Variants in INO80 observed in about 807,000 individuals in gnomAD.
INO80 encodes INO80 complex ATPase subunit, also known as chromatin-remodeling ATPase INO80.
INO80 carries 20 observed loss-of-function variants against 203.4 expected under a neutral mutation model. That is an observed-to-expected ratio of 0.10 (90% CI 0.07 to 0.14). The LOEUF (loss-of-function observed/expected upper bound fraction) is 0.14. INO80 is among the 10% of genes least tolerant of loss of function. The pLI is 1.00. For synonymous variants in INO80, 726 were observed against 685.2 expected, an observed-to-expected ratio of 1.06 and a Z score of -0.93; for missense variants, 1,419 against 1,914.4, an observed-to-expected ratio of 0.74 and a Z score of 4.83.
intron 1 of INO80, among the ~76,000 whole-genome samples, chr15:41,097,185 A>G (rs1434126937): frequency 6.6e-6 from 1 of 152,168 alleles, no homozygotes; most frequent in East Asian, 1.9e-4. Context: ...AGCTGGGATT[A>G]CAGGCGCCCA....
chr15:40,996,404 C>G (rs2043881902), intron 29 of INO80, among the ~76,000 whole-genome samples: 1 of 152,126 alleles, frequency 6.6e-6, no homozygotes, highest in African/African-American at 2.4e-5. Context: ...CTCACTGCAG[C>G]CTCTGCCTCC....
At chr15:41,007,088 C>T (rs749253351) in intron 27 of INO80, among the ~76,000 whole-genome samples, 1 of 150,548 alleles carries the variant, frequency 6.6e-6, no homozygotes, top group South Asian at 2.1e-4. Flanking sequence ...AGTAACTAGA[C>T]AATACCAAGA....
At chr15:41,054,903 G>C (rs2044955443) in intron 18 of INO80, among the ~76,000 whole-genome samples, 1 of 152,146 alleles carries the variant, frequency 6.6e-6, no homozygotes, top group East Asian at 1.9e-4. Flanking sequence ...CTCCCAAAGT[G>C]CTGGGATTAC....
At chr15:41,024,639 TA>T (rs1206041460) in intron 25 of INO80, 4 of 152,242 alleles carry the variant, frequency 2.6e-5, no homozygotes, top group Admixed American at 2.0e-4. Flanking sequence ...AGTATTTTGG[TA>T]AGAATAATTC....
Position 41,079,783 on chromosome 15 carries a change from T to A in INO80, c.1049A>T (p.Tyr350Phe). Reference sequence around the variant, plus strand: ...GCGGTGCTCCTTCTCTACTTTCTCATATTTCTTCCAGTACAGAAGCATCTC... The same window carrying A: ...GCGGTGCTCCTTCTCTACTTTCTCAAATTTCTTCCAGTACAGAAGCATCTC... ...TKEMLLYWKK[Y>F]EKVEKEHRKR... The change falls in exon 9 of 36, where the codon TAT becomes TTT. Residue 350 changes from tyrosine to phenylalanine, a missense_variant. Physicochemically the swap from Tyr to Phe is conservative, Grantham distance 22 (BLOSUM62 3). Around this residue, in one of 9 missense-constraint regions of INO80, gnomAD observed 87 missense variants for 150.5 expected, o/e 0.58. Coordinates refer to ENST00000648947, the MANE Select transcript of INO80 (RefSeq NM_017553.3). 1 of 1,614,184 alleles carries A rather than the reference T, an allele frequency of 6.2e-7. No homozygotes were observed. The highest frequency in any genetic ancestry group is 8.5e-7 in the Non-Finnish European group (1 of 1,180,032).
rs1204407555 is a variant in INO80, at chr15:41,044,870, TA to T, written c.2907+33del. 2.6e-6 allele frequency: 4 copies of T among 1,558,928 alleles called. No individual in the cohort carries two copies. The South Asian group carries it at 4.9e-5, about 19-fold the overall frequency. ...ATTCAAGGAAAAGGAAAGAAGATACTAAGTAGGTAATTTATGCTCAAATAAT... is the reference window on the plus strand; with the variant it reads ...ATTCAAGGAAAAGGAAAGAAGATACTAGTAGGTAATTTATGCTCAAATAAT... On this transcript the variant is annotated intron_variant, in intron 24 of 35. Coordinates refer to ENST00000648947, the MANE Select transcript of INO80 (RefSeq NM_017553.3).
In INO80 at chr15:41,095,603, T is replaced by G; in HGVS notation, c.379A>C (p.Lys127Gln). The change falls in exon 4 of 36, where the codon AAG becomes CAG. Residue 127 changes from lysine (K) to glutamine (Q), a missense_variant and splice_region_variant. Coordinates refer to ENST00000648947, the MANE Select transcript of INO80 (RefSeq NM_017553.3). ...SKLKKSRKWL[K>Q]SILLSDESSE... ...AAACACCCTGCTTTATCTCTTACCTTTAGCCACTTTCTGCTTTTCTTCAGC... is the reference window on the plus strand; with the variant it reads ...AAACACCCTGCTTTATCTCTTACCTGTAGCCACTTTCTGCTTTTCTTCAGC... The G allele has an allele frequency of 6.2e-7, 1 of 1,606,016 alleles. No individual in the cohort carries two copies.
chr15:41,077,214 CTTTATT>C (rs2045417554), intron 9 of INO80, among the ~76,000 whole-genome samples: 1 of 109,524 alleles, frequency 9.1e-6, no homozygotes, highest in African/African-American at 6.4e-5. Flanking sequence ...GCCTTGTTTG[CTTTATT>C]TTTTTTTTTT....
At position 41,032,579 on chromosome 15, in the gene INO80, C is replaced by T. The variant is rs190759673; in HGVS notation, c.2908-4843G>A. On this transcript the variant is annotated intron_variant, in intron 24 of 35. Coordinates refer to ENST00000648947, the MANE Select transcript of INO80 (RefSeq NM_017553.3). ...GGGGTGAAATCTTCAATCAATAGCC[C>T]GTCAAAAAACTCTAAGGATTTAATA... Among the ~76,000 whole-genome samples, 1,156 of 152,048 alleles carry T rather than the reference C, an allele frequency of 7.6e-3. 8 individuals are homozygous for T. Among genetic ancestry groups the T allele is most frequent in the Non-Finnish European group, 0.012 (786 of 67,980 alleles).
chr15:40,980,896 T>C (rs2140402761), intron 35 of INO80, among the ~76,000 whole-genome samples: 1 of 152,318 alleles, frequency 6.6e-6, no homozygotes, highest in South Asian at 2.1e-4. Context: ...GGTACAAGGC[T>C]GCCCACTCTC....
Position 41,079,912 on chromosome 15 carries a change from C to CA in INO80, c.928-9dup. The CA allele has an allele frequency of 6.2e-7, 1 of 1,612,366 alleles. No individual in the cohort carries two copies. Among genetic ancestry groups the CA allele is most frequent in the Non-Finnish European group, 8.5e-7 (1 of 1,179,642 alleles). The stretch of plus-strand genomic sequence containing the variant: ...CATGCACTGGTGAGCAAGCTGAAAA[C>CA]AACAACAGCATTACAGCGGAAAGGA... On this transcript the variant is annotated splice_polypyrimidine_tract_variant and intron_variant, in intron 8 of 35. Transcript: ENST00000648947.
chr15:41,072,775 T>C (rs1310499311), intron 11 of INO80, among the ~76,000 whole-genome samples: 1 of 147,602 alleles, frequency 6.8e-6, no homozygotes, highest in Admixed American at 6.8e-5. Context: ...AAGCCAAGAG[T>C]GTGGTCTTTT....
At chr15:41,049,899 A>C (rs755652202) in intron 20 of INO80, 36 bp downstream of exon 20, 2 of 1,572,862 alleles carry the variant, frequency 1.3e-6, no homozygotes, top group Non-Finnish European at 1.7e-6. Context: ...AAAAAACAAA[A>C]AACAAAACTT....
At chr15:41,079,958 C>G in intron 8 of INO80, 54 bp from the exon 9 acceptor site, 1 of 1,464,844 alleles carries the variant, frequency 6.8e-7, no homozygotes, top group Admixed American at 1.7e-5. Context: ...GAAGCTGGTT[C>G]TTCCTGGACT....
intron 1 of INO80, among the ~76,000 whole-genome samples, chr15:41,102,244 T>C (rs1054166631): frequency 4.6e-5 from 7 of 152,228 alleles, no homozygotes; most frequent in African/African-American, 1.4e-4. Flanking sequence ...TTCATGCCCA[T>C]GCATTTGCAT....
intron 19 of INO80, 37 bp from the exon 20 acceptor site, chr15:41,050,139 A>C (rs202112264): frequency 1.5e-5 from 23 of 1,493,082 alleles, no homozygotes; most frequent in Non-Finnish European, 2.1e-5. Flanking sequence ...TTGGAAAAGT[A>C]GTTTTTAAGA....
Position 41,072,066 on chromosome 15 carries a change from GTA to G in INO80, c.1396-10_1396-9del. On this transcript the variant is annotated splice_polypyrimidine_tract_variant and intron_variant, in intron 11 of 35. Coordinates refer to ENST00000648947, the MANE Select transcript of INO80 (RefSeq NM_017553.3). ...TTCATCAAATGACCTTGTCTGGAAA[GTA>G]AAAAAAAAAAAAATTAGAAAAAAAA... is the stretch of plus-strand genomic sequence containing the variant. 1.1e-5 allele frequency: 10 copies of G among 887,826 alleles called. No individual in the cohort carries two copies. Among genetic ancestry groups the G allele is most frequent in the Admixed American group, 3.8e-5 (1 of 26,346 alleles). The allele number at this position is 887,826 out of a possible 1,614,324, so 55.0% of individuals were successfully genotyped here.
intron 16 of INO80, among the ~76,000 whole-genome samples, chr15:41,058,388 G>A (rs1355749302): frequency 1.3e-5 from 2 of 152,054 alleles, no homozygotes; most frequent in Non-Finnish European, 2.9e-5. Context: ...TATATTGGAC[G>A]GGTGGCTCAT....
intron 24 of INO80, among the ~76,000 whole-genome samples, chr15:41,043,022 T>C (rs912591927): frequency 3.9e-5 from 6 of 152,186 alleles, no homozygotes; most frequent in African/African-American, 1.2e-4. Flanking sequence ...TGCGTAAACA[T>C]ATTTTATGAC....
Sources: allele counts gnomAD v4.1 joint callset (sites outside exome capture counted in the v4.1 genomes callset), GRCh38; gene constraint gnomAD v4.1.1; regional missense constraint gnomAD v4.1.1; transcripts MANE v1.5; gene names NCBI Gene and HGNC (gene_info 2026-07-23, HGNC 2026-07-21).